DNAJC13: variants seen among roughly 807,000 people sequenced by gnomAD.
DNAJC13 encodes the protein DnaJ heat shock protein family (Hsp40) member C13, also known as dnaJ homolog subfamily C member 13.
Under a neutral mutation model 290.5 loss-of-function variants are expected in DNAJC13, and 75 were observed. The ratio of observed to expected loss-of-function variants is 0.26; its 90% CI spans 0.21 to 0.31. DNAJC13 has a LOEUF of 0.31. Ranked by LOEUF, DNAJC13 falls within the 10% of genes least tolerant of loss-of-function variation. DNAJC13 has a pLI of 1.00. For synonymous variants in DNAJC13, 862 were observed against 892.0 expected, an observed-to-expected ratio of 0.97 and a Z score of 0.60; for missense variants, 2,260 against 2,674.5, an observed-to-expected ratio of 0.85 and a Z score of 3.42.
intron 36 of DNAJC13, among the ~76,000 whole-genome samples, chr3:132,498,031 C>T (rs944672836): frequency 1.3e-5 from 2 of 152,088 alleles, no homozygotes; most frequent in African/African-American, 4.8e-5. Context: ...AATTAATTTG[C>T]ATCTCTTTGC....
chr3:132,446,296 T>TA (rs1349909447), intron 2 of DNAJC13, among the ~76,000 whole-genome samples, 179 bp from the exon 3 acceptor site: 1 of 152,124 alleles, frequency 6.6e-6, no homozygotes, highest in Admixed American at 6.6e-5. Flanking sequence ...TGGGTTTTAA[T>TA]AAAAATAACA....
chr3:132,434,442 AGT>A, intron 1 of DNAJC13, 94 bp from the exon 2 acceptor site: 1 of 826,824 alleles, frequency 1.2e-6, no homozygotes, highest in Middle Eastern at 2.4e-4. Context: ...AGGCTGTGAA[AGT>A]GAGAGAGCGA....
chr3:132,447,313 T>C lies in DNAJC13; in HGVS notation c.145-8T>C. Reference sequence around the variant, plus strand: ...AGTAGCACCAGTCAAAATTTTTTTTTTTTTAAGTGGCCTTATGGAGACATT... The same window carrying C: ...AGTAGCACCAGTCAAAATTTTTTTTCTTTTAAGTGGCCTTATGGAGACATT... On this transcript the variant is annotated splice_region_variant and splice_polypyrimidine_tract_variant and intron_variant, in intron 3 of 55. Coordinates refer to ENST00000260818, the MANE Select transcript of DNAJC13 (RefSeq NM_015268.4). 6.5e-7 allele frequency: 1 copy of C among 1,547,194 alleles called. No individual in the cohort carries two copies. The highest frequency in any genetic ancestry group is 8.6e-7 in the Non-Finnish European group (1 of 1,157,002).
At chr3:132,457,774 G>A (rs1161739190) in intron 13 of DNAJC13, 1 of 157,256 alleles carries the variant, frequency 6.4e-6, no homozygotes, top group Non-Finnish European at 1.4e-5. Flanking sequence ...GAATTTTCTA[G>A]CTCTGGAAAG....
chr3:132,460,818 T>C (rs1933766587), intron 14 of DNAJC13, among the ~76,000 whole-genome samples: 1 of 151,846 alleles, frequency 6.6e-6, no homozygotes, highest in Non-Finnish European at 1.5e-5. Flanking sequence ...TTGGTTATAC[T>C]CTTGAAATTT....
intron 26 of DNAJC13, 105 bp downstream of exon 26, chr3:132,480,575 T>C (rs2107695175): frequency 1.2e-6 from 1 of 813,832 alleles, no homozygotes; most frequent in African/African-American, 1.7e-5. Flanking sequence ...ACACTTATTT[T>C]TCCAGTAATT....
At chr3:132,531,168 TA>T in intron 55 of DNAJC13, 71 bp downstream of exon 55, 1 of 1,336,848 alleles carries the variant, frequency 7.5e-7, no homozygotes, top group African/African-American at 1.4e-5. Flanking sequence ...TTGCCCTAAA[TA>T]GACTTAAAAT....
intron 16 of DNAJC13, among the ~76,000 whole-genome samples, chr3:132,463,153 C>G (rs1933860397): frequency 6.6e-6 from 1 of 152,142 alleles, no homozygotes; most frequent in African/African-American, 2.4e-5. Context: ...AGAAAGTCTC[C>G]TTTTACCAAA....
chr3:132,465,501 T>A (rs1217604740), intron 17 of DNAJC13, among the ~76,000 whole-genome samples: 2 of 152,216 alleles, frequency 1.3e-5, no homozygotes, highest in African/African-American at 4.8e-5. Flanking sequence ...AATAATTTGC[T>A]ATAAGTGGTT....
At chr3:132,512,969 C>A in intron 44 of DNAJC13, 39 bp from the exon 45 acceptor site, 2 of 1,528,470 alleles carry the variant, frequency 1.3e-6, no homozygotes, top group Non-Finnish European at 1.8e-6. Context: ...TAATTTCAAA[C>A]ATCTCCTGGA....
intron 55 of DNAJC13, chr3:132,537,057 T>G: frequency 2.2e-6 from 1 of 451,314 alleles, no homozygotes; most frequent in Non-Finnish European, 4.5e-6. Flanking sequence ...GGTGGCCTTT[T>G]TGTCCTCCAC....
At position 132,507,343 on chromosome 3, in the gene DNAJC13, T is replaced by A. The variant is rs532168916; in HGVS notation, c.5105T>A (p.Phe1702Tyr). The stretch of plus-strand genomic sequence containing the variant: ...AGGGTGTATAATGAAGTTCCTACTT[T>A]CCAACTGGAGGTAAGCTCTCTGCTT... ...FVRVYNEVPT[F>Y]QLEVPKAFAA... The change falls in exon 43 of 56, where the codon TTC (phenylalanine) becomes TAC (tyrosine). Residue 1702 changes from phenylalanine (F) to tyrosine (Y), a missense_variant. This residue lies in a region of DNAJC13 where 1,494 missense variants were observed against 1,693.7 expected (regional missense o/e 0.88). Transcript: ENST00000260818. The A allele has an allele frequency of 6.3e-7, 1 of 1,582,468 alleles. No individual in the cohort carries two copies. Among genetic ancestry groups the A allele is most frequent in the Non-Finnish European group, 8.7e-7 (1 of 1,151,866 alleles).
intron 1 of DNAJC13, among the ~76,000 whole-genome samples, chr3:132,428,683 T>C (rs1174940691): frequency 1.3e-5 from 2 of 152,254 alleles, no homozygotes; most frequent in Non-Finnish European, 1.5e-5. Context: ...TGAGATCATA[T>C]ATTGGTAACA....
intron 48 of DNAJC13, among the ~76,000 whole-genome samples, chr3:132,521,184 A>C (rs866295599): frequency 2.0e-5 from 3 of 152,172 alleles, no homozygotes; most frequent in African/African-American, 7.2e-5. Context: ...GGATTGCTTA[A>C]GGCCAGGAGT....
At chr3:132,473,273 C>A in intron 21 of DNAJC13, 46 bp downstream of exon 21, 3 of 1,283,502 alleles carry the variant, frequency 2.3e-6, no homozygotes, top group African/African-American at 1.5e-5. Flanking sequence ...TTTAGTATTG[C>A]CATGAGAGGC....
In DNAJC13 at chr3:132,488,313, G is replaced by C. The variant is rs200868423; in HGVS notation, c.3283G>C (p.Asp1095His). The change falls in exon 30 of 56, where the codon GAC (aspartate) becomes CAC (histidine). Residue 1095 changes from aspartate to histidine, a missense_variant. By Grantham distance (81) the Asp-to-His change is moderately conservative. Around this residue, in one of 3 missense-constraint regions of DNAJC13, gnomAD observed 1,494 missense variants for 1,693.7 expected, o/e 0.88. Coordinates refer to ENST00000260818, the MANE Select transcript of DNAJC13 (RefSeq NM_015268.4). ...PHIIQLLLTF[D>H]PILVEKVAIL... ...TTTTTTTCAGCTACTGCTGACCTTT[G>C]ACCCTATCCTTGTTGAGAAGGTTGC... is the stretch of plus-strand genomic sequence containing the variant. 1.2e-6 allele frequency: 2 copies of C among 1,608,388 alleles called. No homozygotes were observed. Among genetic ancestry groups the C allele is most frequent in the Admixed American group, 3.4e-5 (2 of 59,066 alleles).
At chr3:132,490,540 T>C (rs1229883736) in intron 31 of DNAJC13, among the ~76,000 whole-genome samples, 1 of 152,220 alleles carries the variant, frequency 6.6e-6, no homozygotes, top group Non-Finnish European at 1.5e-5. Context: ...AACAATATAA[T>C]GCAGGATAAT....
intron 29 of DNAJC13, among the ~76,000 whole-genome samples, chr3:132,486,350 CA>C (rs1245882176): frequency 6.6e-6 from 1 of 151,932 alleles, no homozygotes; most frequent in Non-Finnish European, 1.5e-5. Context: ...CCCAAAAGAT[CA>C]ACCGCTCCCA....
At chr3:132,507,497 G>C in intron 43 of DNAJC13, 144 bp downstream of exon 43, 3 of 614,184 alleles carry the variant, frequency 4.9e-6, no homozygotes, top group Non-Finnish European at 8.5e-6. Context: ...ACAAATCAAA[G>C]GTTTTTGGCA....
Sources: gnomAD v4.1 joint callset for allele counts (sites outside exome capture counted in the v4.1 genomes callset) on GRCh38, gnomAD v4.1.1 for gene constraint, gnomAD v4.1.1 regional missense constraint, MANE v1.5 for transcripts, NCBI Gene and HGNC (gene_info 2026-07-23, HGNC 2026-07-21) for gene names.